Variants in CYP3A4 observed in about 807,000 individuals in gnomAD.
CYP3A4 encodes cytochrome P450 family 3 subfamily A member 4.
In CYP3A4, 41 loss-of-function variants were observed where a neutral mutation model predicts 54.9. The ratio of observed to expected loss-of-function variants is 0.75; its 90% CI spans 0.58 to 0.97. CYP3A4 has a LOEUF of 0.97. CYP3A4 is among the 50% of genes least tolerant of loss of function. The probability of loss-of-function intolerance (pLI) is 0.00; values close to 1 mark genes in which losing one functional copy is unlikely to be tolerated. For synonymous variants in CYP3A4, 179 were observed against 205.2 expected (o/e 0.87, Z 1.09); for missense variants, 510 against 597.3 (o/e 0.85, Z 1.52).
rs1291353683 is a variant in CYP3A4, at chr7:99,760,849, G to T, written c.1386C>A (p.Asn462Lys). ...MKLALIRVLQ[N>K]FSFKPCKETQ... ...TTTCTTTACAAGGTTTGAAGGAGAA[G>T]TTCTGAAGGACTCTGATTAGAGCAA... Residue 462 changes from asparagine (N) to lysine (K), a missense_variant, in exon 12 of 13, where the codon AAC (asparagine) becomes AAA (lysine). Coordinates refer to ENST00000651514, the MANE Select transcript of CYP3A4 (RefSeq NM_017460.6). The T allele has an allele frequency of 5.6e-6, 9 of 1,613,958 alleles. No individual in the cohort carries two copies. The highest frequency in any genetic ancestry group is 7.6e-6 in the Non-Finnish European group (9 of 1,179,968).
At chr7:99,770,378 A>G (rs769840456) in intron 4 of CYP3A4, 143 bp from the exon 5 acceptor site, 4 of 524,856 alleles carry the variant, frequency 7.6e-6, no homozygotes, top group Admixed American at 2.8e-5. Flanking sequence ...TAGATGCTCA[A>G]TAGAGATTTA....
chr7:99,763,861 G>C lies in CYP3A4; in HGVS notation c.1020C>G (p.Pro340=). Reference sequence around the variant, plus strand: ...CCATGTACCATCCACTCACCTTATTGGGTAAAACTGCATCAATTTCCTCCT... The same window carrying C: ...CCATGTACCATCCACTCACCTTATTCGGTAAAACTGCATCAATTTCCTCCT... ...KLQEEIDAVL[P]NKAPPTYDTV... is the part of the protein sequence containing the mutation. Residue 340 remains proline, a synonymous_variant, in exon 10 of 13, where the codon CCC becomes CCG. Transcript: ENST00000651514. 1 of 1,613,944 alleles carries C rather than the reference G, an allele frequency of 6.2e-7. No homozygotes were observed. The highest frequency in any genetic ancestry group is 1.1e-5 in the South Asian group (1 of 91,054).
At position 99,784,075 on chromosome 7, in the gene CYP3A4, G is replaced by A; in HGVS notation, c.7C>T (p.Leu3Phe). 6.2e-7 allele frequency: 1 copy of A among 1,613,802 alleles called. No individual in the cohort carries two copies. The highest frequency in any genetic ancestry group is 8.5e-7 in the Non-Finnish European group (1 of 1,179,736). Residue 3 changes from leucine to phenylalanine, a missense_variant, in exon 1 of 13, where the codon CTC becomes TTC. This residue lies in a region of CYP3A4 where 272 missense variants were observed against 274.9 expected (regional missense o/e 0.99). Transcript: ENST00000651514. ...GTTTCCATGGCCAAGTCTGGGATGA[G>A]AGCCATCACTACTTTCCTTACTTAT... MA[L>F]IPDLAMETWL...
chr7:99,768,658 G>A (rs1457665155), intron 6 of CYP3A4, among the ~76,000 whole-genome samples, 156 bp from the exon 7 acceptor site: 1 of 152,128 alleles, frequency 6.6e-6, no homozygotes, highest in Non-Finnish European at 1.5e-5. Context: ...CCATCAGAAG[G>A]TGTTATCAGG....
At chr7:99,781,876 A>G (rs907406360) in intron 1 of CYP3A4, among the ~76,000 whole-genome samples, 1 of 152,256 alleles carries the variant, frequency 6.6e-6, no homozygotes, top group Admixed American at 6.5e-5. Context: ...TTTAAAGGGT[A>G]GCCCTTAAGA....
chr7:99,762,233 T>C lies in CYP3A4; in HGVS notation c.1061A>G (p.Glu354Gly), dbSNP rs1815356589. Residue 354 changes from glutamate (E) to glycine (G), a missense_variant, in exon 11 of 13, where the codon GAG becomes GGG. Coordinates refer to ENST00000651514, the MANE Select transcript of CYP3A4 (RefSeq NM_017460.6). Reference sequence around the variant, plus strand: ...TTCATTCACCACCATGTCAAGATACTCCATCTGTAGCACAGTATCATAGGT... The same window carrying C: ...TTCATTCACCACCATGTCAAGATACCCCATCTGTAGCACAGTATCATAGGT... Reference protein sequence around the residue: ...PPTYDTVLQMEYLDMVVNETL... With the variant: ...PPTYDTVLQMGYLDMVVNETL... 1 of 1,614,052 alleles carries C rather than the reference T, an allele frequency of 6.2e-7. No homozygotes were observed. The highest frequency in any genetic ancestry group is 1.1e-5 in the South Asian group (1 of 91,076).
chr7:99,773,128 A>T (rs2687110), intron 3 of CYP3A4, among the ~76,000 whole-genome samples: 137,388 of 152,176 alleles, frequency 0.9, 63,654 homozygotes, highest in East Asian at 1. Flanking sequence ...TGGGATCAAT[A>T]CAACAGGAAG....
intron 11 of CYP3A4, 48 bp from the exon 12 acceptor site, chr7:99,761,029 C>T (rs1815310692): frequency 1.3e-6 from 2 of 1,594,172 alleles, no homozygotes; most frequent in Admixed American, 3.4e-5. Context: ...CATAATACCC[C>T]TAAGAGTTAC....
chr7:99,780,672 T>A (rs746649635), intron 1 of CYP3A4, among the ~76,000 whole-genome samples: 1 of 152,244 alleles, frequency 6.6e-6, no homozygotes, highest in African/African-American at 2.4e-5. Flanking sequence ...CACAGAGAGG[T>A]CTTGGAGGAG....
At chr7:99,780,763 C>G (rs533613235) in intron 1 of CYP3A4, among the ~76,000 whole-genome samples, 1 of 152,328 alleles carries the variant, frequency 6.6e-6, no homozygotes, top group Non-Finnish European at 1.5e-5. Flanking sequence ...CAGCTTTCAG[C>G]TACACCTCAG....
rs761356900 is a variant in CYP3A4 at position 99,757,390 on chromosome 7, G to C, written c.*743C>G. ...CAACCATGTAGGCCAGGCTTGTCTTGAACTCCTGACCTCAGGCGATCCACC... is the reference window on the plus strand; with the variant it reads ...CAACCATGTAGGCCAGGCTTGTCTTCAACTCCTGACCTCAGGCGATCCACC... On this transcript the variant is annotated 3_prime_UTR_variant, in exon 13 of 13. Transcript: ENST00000651514. The C allele has an allele frequency of 7.9e-5, 12 of 152,242 alleles. No individual in the cohort carries two copies. Among genetic ancestry groups the C allele is most frequent in the Non-Finnish European group, 1.8e-4 (12 of 68,138 alleles). 9.4% of individuals were successfully genotyped at this position (152,242 alleles called of 1,614,324 possible).
intron 1 of CYP3A4, 123 bp downstream of exon 1, chr7:99,783,888 T>C (rs564746136): frequency 2.6e-6 from 3 of 1,139,016 alleles, no homozygotes; most frequent in Admixed American, 3.5e-5. Context: ...GGATTACAGG[T>C]GTAAGCCACC....
chr7:99,762,688 A>T (rs1815371598), intron 10 of CYP3A4, among the ~76,000 whole-genome samples: 1 of 152,214 alleles, frequency 6.6e-6, no homozygotes, highest in Non-Finnish European at 1.5e-5. Flanking sequence ...ATTTGAGGAT[A>T]AACTAGTCCC....
intron 8 of CYP3A4, chr7:99,766,816 T>C: frequency 2.8e-6 from 1 of 361,148 alleles, no homozygotes; most frequent in Non-Finnish European, 5.0e-6. Context: ...CAAACAGTAA[T>C]GTTTATCCTC....
intron 9 of CYP3A4, 61 bp from the exon 10 acceptor site, chr7:99,764,076 A>T: frequency 6.2e-7 from 1 of 1,608,864 alleles, no homozygotes; most frequent in Non-Finnish European, 8.5e-7. Flanking sequence ...CACAGTTTAG[A>T]TGAAGAGAAA....
At chr7:99,760,443 T>C (rs1382280786) in intron 12 of CYP3A4, among the ~76,000 whole-genome samples, 2 of 152,228 alleles carry the variant, frequency 1.3e-5, no homozygotes, top group African/African-American at 4.8e-5. Context: ...ATGAGAAAGC[T>C]TCTCCAAGTT....
At chr7:99,764,655 T>C (rs1049642829) in intron 9 of CYP3A4, among the ~76,000 whole-genome samples, 1 of 152,182 alleles carries the variant, frequency 6.6e-6, no homozygotes, top group African/African-American at 2.4e-5. Context: ...ATCTGAACTT[T>C]CACAAGATGC....
chr7:99,762,975 T>G (rs1160278582), intron 10 of CYP3A4, among the ~76,000 whole-genome samples: 1 of 152,180 alleles, frequency 6.6e-6, no homozygotes, highest in Admixed American at 6.5e-5. Context: ...ACAGTGTGGG[T>G]GATATGCACC....
At position 99,770,199 on chromosome 7, in the gene CYP3A4, A is replaced by T. The variant is rs772207069; in HGVS notation, c.355T>A (p.Ser119Thr). The T allele has an allele frequency of 6.2e-7, 1 of 1,613,792 alleles. No homozygotes were observed. Among genetic ancestry groups the T allele is most frequent in the Non-Finnish European group, 8.5e-7 (1 of 1,179,770 alleles). ...TTCCATTCTTCATCCTCAGCTATAG[A>T]GATGGCACTTTTCATAAATCCCACT... Reference protein sequence around the residue: ...GPVGFMKSAISIAEDEEWKRL... With the variant: ...GPVGFMKSAITIAEDEEWKRL... Residue 119 changes from serine (S) to threonine (T), a missense_variant, in exon 5 of 13, where the codon TCT becomes ACT. By Grantham distance (58) the Ser-to-Thr change is moderately conservative (BLOSUM62 1). Around this residue, in one of 2 missense-constraint regions of CYP3A4, gnomAD observed 272 missense variants for 274.9 expected, o/e 0.99. Coordinates refer to ENST00000651514, the MANE Select transcript of CYP3A4 (RefSeq NM_017460.6).
Sources: gnomAD v4.1 joint callset for allele counts (sites outside exome capture counted in the v4.1 genomes callset) on GRCh38, gnomAD v4.1.1 for gene constraint, gnomAD v4.1.1 regional missense constraint, MANE v1.5 for transcripts, NCBI Gene and HGNC (gene_info 2026-07-23, HGNC 2026-07-21) for gene names.